Variants in NCAPD3 observed in about 807,000 individuals in gnomAD.
NCAPD3 encodes condensin-2 complex subunit D3.
A neutral mutation model predicts 182.9 loss-of-function variants in NCAPD3; 105 were observed. The ratio of observed to expected loss-of-function variants is 0.57; its 90% CI spans 0.49 to 0.68. NCAPD3 has a LOEUF of 0.68. Among genes scored for constraint, NCAPD3 ranks in the 30% least tolerant of loss-of-function variants. The pLI is 0.00. For synonymous variants in NCAPD3, 815 were observed against 679.9 expected (o/e 1.20, Z -3.09); for missense variants, 1,944 against 1,837.0 (o/e 1.06, Z -1.07).
Position 134,204,207 on chromosome 11 carries a change from C to G in NCAPD3, c.1090-36G>C. On this transcript the variant is annotated intron_variant, in intron 9 of 34. Coordinates refer to ENST00000534548, the MANE Select transcript of NCAPD3 (RefSeq NM_015261.3). The surrounding 1 kb of genome is among the most constrained non-coding windows in gnomAD (Gnocchi z 4.3). The stretch of plus-strand genomic sequence containing the variant: ...AAAAGAGAAGTTGACCAACCAATAT[C>G]CACCCGCAGGATGGCTGAAACATAT... The G allele has an allele frequency of 1.9e-6, 3 of 1,606,308 alleles. No homozygotes were observed. Among genetic ancestry groups the G allele is most frequent in the Non-Finnish European group, 2.6e-6 (3 of 1,175,522 alleles).
intron 26 of NCAPD3, 61 bp downstream of exon 26, chr11:134,168,408 T>C (rs1943921350): frequency 6.2e-7 from 1 of 1,603,820 alleles, no homozygotes; most frequent in East Asian, 2.2e-5. Flanking sequence ...TGCTGGGCCA[T>C]TATCAACACA....
At chr11:134,169,313 GT>G (rs1943950064) in intron 24 of NCAPD3, among the ~76,000 whole-genome samples, 1 of 152,184 alleles carries the variant, frequency 6.6e-6, no homozygotes, top group Non-Finnish European at 1.5e-5. Flanking sequence ...GACACAAGGT[GT>G]TGTCATCCAG....
chr11:134,188,813 C>T (rs866687187), intron 16 of NCAPD3, among the ~76,000 whole-genome samples: 2 of 152,152 alleles, frequency 1.3e-5, no homozygotes, highest in African/African-American at 2.4e-5. Flanking sequence ...AGACCAAGAA[C>T]CCACCAGAAG....
chr11:134,156,947 G>T, intron 32 of NCAPD3, 71 bp downstream of exon 32: 1 of 1,352,998 alleles, frequency 7.4e-7, no homozygotes, highest in South Asian at 1.2e-5. Flanking sequence ...GTTTTACTGC[G>T]ACTCTAGCAA....
At chr11:134,168,768 CTG>C in intron 25 of NCAPD3, 147 bp downstream of exon 25, 2 of 1,353,784 alleles carry the variant, frequency 1.5e-6, no homozygotes, top group Admixed American at 2.2e-5. Context: ...ATTCTCACGA[CTG>C]TATTTTCTTA....
intron 1 of NCAPD3, among the ~76,000 whole-genome samples, chr11:134,222,740 C>T (rs1165695283): frequency 6.6e-6 from 1 of 152,084 alleles, no homozygotes; most frequent in East Asian, 1.9e-4. Context: ...AGAGTTTTGC[C>T]AGGCAAATAA....
At chr11:134,181,864 C>T (rs1944304997) in intron 19 of NCAPD3, among the ~76,000 whole-genome samples, 1 of 152,162 alleles carries the variant, frequency 6.6e-6, no homozygotes, top group African/African-American at 2.4e-5. Flanking sequence ...GGAATGATGA[C>T]ATTATGTTGA....
intron 3 of NCAPD3, among the ~76,000 whole-genome samples, chr11:134,215,591 A>T (rs1937984387): frequency 6.6e-6 from 1 of 152,244 alleles, no homozygotes; most frequent in Non-Finnish European, 1.5e-5. Context: ...TAAAGGGGAG[A>T]TGCAAGAGTT....
chr11:134,166,821 A>G (rs1444889329), intron 27 of NCAPD3, among the ~76,000 whole-genome samples: 2 of 109,608 alleles, frequency 1.8e-5, no homozygotes, highest in Admixed American at 9.2e-5. Context: ...CTGCACACTC[A>G]CTTGTGAGAT....
intron 2 of NCAPD3, among the ~76,000 whole-genome samples, chr11:134,218,245 G>A (rs999091418): frequency 6.6e-6 from 1 of 151,904 alleles, no homozygotes; most frequent in African/African-American, 2.4e-5. Context: ...TCTGCATATG[G>A]GGTCACCTTG....
At chr11:134,168,250 A>C in intron 26 of NCAPD3, 55 bp from the exon 27 acceptor site, 1 of 1,551,840 alleles carries the variant, frequency 6.4e-7, no homozygotes, top group Non-Finnish European at 8.9e-7. Flanking sequence ...TCTGGCCCAG[A>C]GAGGAGGTGT....
Position 134,204,266 on chromosome 11 carries a change from C to A in NCAPD3, c.1090-95G>T. The A allele has an allele frequency of 7.3e-7, 1 of 1,360,564 alleles. No homozygotes were observed. Among genetic ancestry groups the A allele is most frequent in the Non-Finnish European group, 1.0e-6 (1 of 990,838 alleles). 84.3% of individuals were successfully genotyped at this position (1,360,564 alleles called of 1,614,324 possible). A position where few individuals can be genotyped will look rare whatever the true frequency, so the allele number is the denominator to read the frequency against. On this transcript the variant is annotated intron_variant, in intron 9 of 34. Transcript: ENST00000534548. This position sits in a 1 kb window ranked among gnomAD's most constrained non-coding sequence, Gnocchi z 4.3. ...ATAAGTTGAAAGTCAGTGAGTACAA[C>A]TAGTTCAATGACCTTTAAATGTTAC... is the stretch of plus-strand genomic sequence containing the variant.
Position 134,163,765 on chromosome 11 carries a change from G to A in NCAPD3, c.3574-1874C>T, listed in dbSNP as rs1181751175. ...CAGGGGCCTGTAGTCCCAGCTACTC[G>A]GGAGGCTGAGGCAGGAGAATGGCGT... On this transcript the variant is annotated intron_variant, in intron 27 of 34. Coordinates refer to ENST00000534548, the MANE Select transcript of NCAPD3 (RefSeq NM_015261.3). Among the ~76,000 whole-genome samples, 74 of 150,120 alleles carry A rather than the reference G, an allele frequency of 4.9e-4. 1 individual carries two copies. The highest frequency in any genetic ancestry group is 1.7e-3 in the African/African-American group (70 of 40,834).
In NCAPD3 at chr11:134,153,277, C is replaced by T. The variant is rs117140117; in HGVS notation, c.4327+12G>A. On this transcript the variant is annotated intron_variant, in intron 33 of 34. Coordinates refer to ENST00000534548, the MANE Select transcript of NCAPD3 (RefSeq NM_015261.3). The stretch of plus-strand genomic sequence containing the variant: ...GTGCATCTATCAGCCCAGAAGGACA[C>T]CAAGAACTTGCCTTTGGCTGACGAC... The T allele has an allele frequency of 4.3e-6, 7 of 1,614,154 alleles. No individual in the cohort carries two copies. The East Asian group carries it at 1.1e-4, about 26-fold the overall frequency.
chr11:134,150,454 C>T lies in NCAPD3; in HGVS notation c.*2490G>A, dbSNP rs1483053517. 1 of 152,264 alleles carries T rather than the reference C, an allele frequency of 6.6e-6. No homozygotes were observed. The highest frequency in any genetic ancestry group is 1.5e-5 in the Non-Finnish European group (1 of 68,068). The allele number at this position is 152,264 out of a possible 1,614,324, so 9.4% of individuals were successfully genotyped here. On this transcript the variant is annotated 3_prime_UTR_variant, in exon 35 of 35. Transcript: ENST00000534548. ...GCTGTCTGCCAGGAGGCCCTGCCAT[C>T]CTTGGGCCCTGGCAGTGGCTGTGTC...
In NCAPD3 at chr11:134,151,606, G is replaced by A. The variant is rs979832439; in HGVS notation, c.*1338C>T. ...GGAATACTCGTGTATTTTAAGATAT[G>A]AATGTGACTCAAGACTCGAGGCCGA... On this transcript the variant is annotated 3_prime_UTR_variant, in exon 35 of 35. Coordinates refer to ENST00000534548, the MANE Select transcript of NCAPD3 (RefSeq NM_015261.3). The A allele has an allele frequency of 5.3e-5, 8 of 152,224 alleles. No homozygotes were observed. The highest frequency in any genetic ancestry group is 2.6e-4 in the Admixed American group (4 of 15,288). 9.4% of individuals were successfully genotyped at this position (152,224 alleles called of 1,614,324 possible).
In NCAPD3 at chr11:134,152,979, ACCT is replaced by A. The variant is rs755671538; in HGVS notation, c.4459_4461del (p.Arg1487del). 7 of 1,575,210 alleles carry A rather than the reference ACCT, an allele frequency of 4.4e-6. No homozygotes were observed. Among genetic ancestry groups the A allele is most frequent in the Non-Finnish European group, 6.0e-6 (7 of 1,159,916 alleles). On this transcript the variant is annotated inframe_deletion, in exon 35 of 35. Coordinates refer to ENST00000534548, the MANE Select transcript of NCAPD3 (RefSeq NM_015261.3). ...GTTTTCAGAGGGGTCTTTCGGAGGGACCTCCTGCTGCAGGCTGGAGTGTCTTTA... is the reference window on the plus strand; with the variant it reads ...GTTTTCAGAGGGGTCTTTCGGAGGGACCTGCTGCAGGCTGGAGTGTCTTTA...
chr11:134,180,021 G>GA lies in NCAPD3; in HGVS notation c.2559+1055dup, dbSNP rs564858283. Among the ~76,000 whole-genome samples, 635 of 151,334 alleles carry GA rather than the reference G, an allele frequency of 4.2e-3. 4 individuals are homozygous for GA. Among genetic ancestry groups the GA allele is most frequent in the African/African-American group, 0.015 (608 of 41,222 alleles). On this transcript the variant is annotated intron_variant, in intron 20 of 34. Coordinates refer to ENST00000534548, the MANE Select transcript of NCAPD3 (RefSeq NM_015261.3). The stretch of plus-strand genomic sequence containing the variant: ...GATTTTGATGACACGGTTAACAGTT[G>GA]AAAAAAACCTGGGGGAGGAGGGGTG...
chr11:134,225,260 C>T, upstream of NCAPD3: 1 of 1,614,170 alleles, frequency 6.2e-7, no homozygotes, highest in Non-Finnish European at 8.5e-7. Context: ...GGGAGACGGT[C>T]TCCGGGAAGG....
Sources: allele counts gnomAD v4.1 joint callset (sites outside exome capture counted in the v4.1 genomes callset), GRCh38; gene constraint gnomAD v4.1.1; non-coding constraint Gnocchi (gnomAD v3.1); transcripts MANE v1.5; gene names NCBI Gene and HGNC (gene_info 2026-07-23, HGNC 2026-07-21).